Variants in CAST observed in about 807,000 individuals in gnomAD.
CAST encodes calpastatin.
Under a neutral mutation model 119.6 loss-of-function variants are expected in CAST, and 76 were observed. That is an observed-to-expected ratio of 0.64 (90% CI 0.53 to 0.77). The LOEUF is 0.77. CAST is among the 30% of genes least tolerant of loss of function. The pLI is 0.00. For missense variants in CAST, 953 were observed against 946.5 expected (o/e 1.01, Z -0.09); for synonymous variants, 319 against 331.6 (o/e 0.96, Z 0.41).
At chr5:96,744,895 A>G (rs150122599) in intron 16 of CAST, among the ~76,000 whole-genome samples, 169 of 152,312 alleles carry the variant, frequency 1.1e-3, no homozygotes, top group African/African-American at 3.8e-3. Flanking sequence ...TTTATTCTCT[A>G]ATGATAGCCC....
the CAST span, among the ~76,000 whole-genome samples, chr5:96,055,220 T>C: frequency 6.6e-6 from 1 of 152,126 alleles, no homozygotes; most frequent in Non-Finnish European, 1.5e-5. Context: ...TCCCCTTCTT[T>C]ACTCTCACCG....
At chr5:96,201,862 G>C in the CAST span, among the ~76,000 whole-genome samples, 1 of 152,020 alleles carries the variant, frequency 6.6e-6, no homozygotes, top group African/African-American at 2.4e-5. Flanking sequence ...TCCTACGGTA[G>C]GTTGTTTTTA....
At chr5:96,472,441 G>T in the CAST span, among the ~76,000 whole-genome samples, 25 of 152,198 alleles carry the variant, frequency 1.6e-4, no homozygotes, top group African/African-American at 6.0e-4. Flanking sequence ...ATATTCCCAG[G>T]ACCTAGAATA....
chr5:96,327,017 T>C, the CAST span, among the ~76,000 whole-genome samples: 1 of 152,216 alleles, frequency 6.6e-6, no homozygotes, highest in Admixed American at 6.5e-5. Flanking sequence ...AATGGTAAAG[T>C]TTGCCATCTA....
chr5:96,062,657 CA>C, the CAST span, among the ~76,000 whole-genome samples: 2 of 151,932 alleles, frequency 1.3e-5, no homozygotes, highest in Non-Finnish European at 2.9e-5. Flanking sequence ...AAGGGGTCAC[CA>C]TCCTGGCAGG....
chr5:96,520,713 TCTAA>T (rs1745503671), upstream of CAST, among the ~76,000 whole-genome samples: 2 of 152,212 alleles, frequency 1.3e-5, no homozygotes, highest in Admixed American at 1.3e-4. Context: ...TGAATAAATG[TCTAA>T]CTATCTGGTT....
chr5:96,717,859 C>T (rs368383190), intron 3 of CAST, among the ~76,000 whole-genome samples: 34 of 152,184 alleles, frequency 2.2e-4, no homozygotes, highest in South Asian at 2.1e-4. Context: ...TTCATCAGTG[C>T]GGAAACATGG....
the CAST span, among the ~76,000 whole-genome samples, chr5:96,470,337 C>A: frequency 6.6e-6 from 1 of 151,818 alleles, no homozygotes; most frequent in African/African-American, 2.4e-5. Flanking sequence ...TTATGGCCAA[C>A]AATATTGCCA....
At chr5:96,151,622 A>C in the CAST span, among the ~76,000 whole-genome samples, 41,109 of 152,126 alleles carry the variant, frequency 0.27, 6,163 homozygotes, top group Middle Eastern at 0.34. Flanking sequence ...CAGCTGTGCT[A>C]AGTTCTTGGG....
the CAST span, among the ~76,000 whole-genome samples, chr5:96,069,134 C>T: frequency 2.7e-5 from 4 of 148,952 alleles, no homozygotes; most frequent in African/African-American, 7.4e-5. Flanking sequence ...TACATGTAAA[C>T]CAAGAGCTGT....
chr5:96,548,101 A>C (rs185765962), intron 1 of CAST, among the ~76,000 whole-genome samples: 32 of 152,358 alleles, frequency 2.1e-4, no homozygotes, highest in Non-Finnish European at 5.9e-5. Context: ...TAGACAATTC[A>C]GAGTGAGTAT....
At chr5:96,054,641 T>A in the CAST span, among the ~76,000 whole-genome samples, 2 of 152,192 alleles carry the variant, frequency 1.3e-5, no homozygotes, top group Non-Finnish European at 2.9e-5. Flanking sequence ...GAGATAATAG[T>A]TCCTGATTCC....
chr5:96,737,137 G>A (rs563743923), intron 10 of CAST, among the ~76,000 whole-genome samples: 4 of 152,134 alleles, frequency 2.6e-5, no homozygotes, highest in Non-Finnish European at 5.9e-5. Flanking sequence ...GGGATTATAG[G>A]TCCCTCCCTT....
the CAST span, among the ~76,000 whole-genome samples, chr5:96,255,352 A>G: frequency 6.6e-6 from 1 of 152,304 alleles, no homozygotes. Context: ...TCCCAAAACC[A>G]TCAATTTTAT....
the CAST span, among the ~76,000 whole-genome samples, chr5:96,425,064 G>A: frequency 1.5e-5 from 2 of 137,560 alleles, no homozygotes; most frequent in African/African-American, 5.7e-5. Flanking sequence ...AAGAAAGAAA[G>A]AAAGAAAGAA....
chr5:96,093,047 T>G, the CAST span, among the ~76,000 whole-genome samples: 1 of 152,178 alleles, frequency 6.6e-6, no homozygotes. Context: ...TATTCTTAAT[T>G]TAAAAAATTT....
chr5:96,365,119 T>G, the CAST span, among the ~76,000 whole-genome samples: 1 of 152,244 alleles, frequency 6.6e-6, no homozygotes, highest in African/African-American at 2.4e-5. Flanking sequence ...TCAGTTTCCA[T>G]GTAGTTGAGC....
At chr5:96,660,674 GC>G (rs1748302838), upstream of CAST, among the ~76,000 whole-genome samples, 1 of 152,036 alleles carries the variant, frequency 6.6e-6, no homozygotes, top group Non-Finnish European at 1.5e-5. Flanking sequence ...TGGGGTGGAG[GC>G]CAGGAAGGAG....
At chr5:96,660,189 G>GCC (rs1341613115), upstream of CAST, among the ~76,000 whole-genome samples, 2 of 152,086 alleles carry the variant, frequency 1.3e-5, no homozygotes, top group Non-Finnish European at 2.9e-5. Flanking sequence ...CTCGTCAGGT[G>GCC]CCCCCACCCC....
Sources: allele counts gnomAD v4.1 joint callset (sites outside exome capture counted in the v4.1 genomes callset), GRCh38; gene constraint gnomAD v4.1.1; transcripts MANE v1.5; gene names NCBI Gene and HGNC (gene_info 2026-07-23, HGNC 2026-07-21).